Variants in ZNF398 observed in about 807,000 individuals in gnomAD.
ZNF398 encodes zinc finger DNA binding protein ZER6.
Under a neutral mutation model 41.9 loss-of-function variants are expected in ZNF398, and 18 were observed. The ratio of observed to expected loss-of-function variants is 0.43; its 90% CI spans 0.30 to 0.64. The LOEUF (loss-of-function observed/expected upper bound fraction) is 0.64, where lower values mean the gene tolerates loss of function less well. Ranked by LOEUF, ZNF398 falls within the 30% of genes least tolerant of loss-of-function variation. ZNF398 has a pLI of 0.14. For missense variants in ZNF398, 669 were observed against 822.8 expected (o/e 0.81, Z 2.29); for synonymous variants, 260 against 308.8 (o/e 0.84, Z 1.66).
In ZNF398 at chr7:149,154,318, G is replaced by C; in HGVS notation, c.398G>C (p.Gly133Ala). Reference sequence around the variant, plus strand: ...TTCTGGATCCTGCGGCTCCCTCCAGGTATTAAGGGAGATATCCCAAAGGTA... The same window carrying C: ...TTCTGGATCCTGCGGCTCCCTCCAGCTATTAAGGGAGATATCCCAAAGGTA... ...RNFWILRLPP[G>A]IKGDIPKVPV... is the part of the protein sequence containing the mutation. Residue 133 changes from glycine to alanine, a missense_variant, in exon 2 of 6, where the codon GGT (glycine) becomes GCT (alanine). By Grantham distance (60) the Gly-to-Ala change is moderately conservative (BLOSUM62 0). Around this residue, in one of 3 missense-constraint regions of ZNF398, gnomAD observed 169 missense variants for 239.5 expected, o/e 0.71. Transcript: ENST00000475153. 1 of 1,612,936 alleles carries C rather than the reference G, an allele frequency of 6.2e-7. No individual in the cohort carries two copies. The highest frequency in any genetic ancestry group is 8.5e-7 in the Non-Finnish European group (1 of 1,179,474).
At chr7:149,135,658 GAAT>G (rs58818584) in intron 2 of ZNF398, among the ~76,000 whole-genome samples, 80,531 of 150,928 alleles carry the variant, frequency 0.53, 24,882 homozygotes, top group East Asian at 0.9. Flanking sequence ...AAAACTATTA[GAAT>G]AATAATAATA....
intron 1 of ZNF398, 76 bp from the exon 2 acceptor site, chr7:149,153,869 C>A (rs1433901671): frequency 4.0e-6 from 6 of 1,486,800 alleles, no homozygotes; most frequent in Non-Finnish European, 5.5e-6. Flanking sequence ...GTTAAGCAGT[C>A]CTTATCTGAT....
At chr7:149,127,284 A>G (rs1271342712) in intron 1 of ZNF398, among the ~76,000 whole-genome samples, 1 of 111,596 alleles carries the variant, frequency 9.0e-6, no homozygotes, top group Non-Finnish European at 2.0e-5. Context: ...GTAGTTAGAA[A>G]GGATGTCCAT....
intron 2 of ZNF398, among the ~76,000 whole-genome samples, chr7:149,136,901 T>C (rs535633382): frequency 2.2e-4 from 33 of 146,938 alleles, no homozygotes; most frequent in Admixed American, 1.5e-3. Flanking sequence ...AGTTTTGCTC[T>C]TGTGGCCCAG....
At position 149,147,460 on chromosome 7, in the gene ZNF398, CT is replaced by C. The variant is rs947904914; in HGVS notation, c.-282del. 2.0e-5 allele frequency: 5 copies of C among 254,662 alleles called. No homozygotes were observed. Among genetic ancestry groups the C allele is most frequent in the African/African-American group, 1.1e-4 (5 of 43,984 alleles). The allele number at this position is 254,662 out of a possible 1,614,324, so 15.8% of individuals were successfully genotyped here. The stretch of plus-strand genomic sequence containing the variant: ...GCCCGCGCGGTTCCCGGTGCACTCG[CT>C]GCCCACAAAGCGCCAGCTGAGGGGC... On this transcript the variant is annotated 5_prime_UTR_variant, in exon 1 of 6. Transcript: ENST00000475153. This position sits in a 1 kb window ranked among gnomAD's most constrained non-coding sequence, Gnocchi z 5.6.
At position 149,151,723 on chromosome 7, in the gene ZNF398, G is replaced by A. The variant is rs10224184; in HGVS notation, c.25-2222G>A. On this transcript the variant is annotated intron_variant, in intron 1 of 5. Coordinates refer to ENST00000475153, the MANE Select transcript of ZNF398 (RefSeq NM_170686.3). The stretch of plus-strand genomic sequence containing the variant: ...ATTAAGCTATAGAAGACATCCTGAG[G>A]TGGCTGGTTTGCATGCAAGCCTATT... Among the ~76,000 whole-genome samples the A allele has an allele frequency of 9.7e-3, 1,465 of 151,190 alleles. 28 individuals are homozygous for A. The highest frequency in any genetic ancestry group is 0.033 in the African/African-American group (1,373 of 41,284).
At chr7:149,139,582 G>A (rs182701112) in intron 2 of ZNF398, among the ~76,000 whole-genome samples, 7 of 152,058 alleles carry the variant, frequency 4.6e-5, no homozygotes, top group Middle Eastern at 3.4e-3. Context: ...TTAGCTGGGC[G>A]TAGTGGCACA....
chr7:149,155,790 C>T (rs1328787632), intron 2 of ZNF398, among the ~76,000 whole-genome samples: 2 of 143,960 alleles, frequency 1.4e-5, no homozygotes, highest in African/African-American at 5.2e-5. Flanking sequence ...GCAGTGGCGC[C>T]ATCTCGGCTC....
rs970653733 is a variant in ZNF398 at position 149,182,045 on chromosome 7, T to G, written c.*2244T>G. 7 of 152,184 alleles carry G rather than the reference T, an allele frequency of 4.6e-5. No individual in the cohort carries two copies. Among genetic ancestry groups the G allele is most frequent in the Non-Finnish European group, 7.4e-5 (5 of 68,024 alleles). 9.4% of individuals were successfully genotyped at this position (152,184 alleles called of 1,614,324 possible). On this transcript the variant is annotated 3_prime_UTR_variant, in exon 6 of 6. Coordinates refer to ENST00000475153, the MANE Select transcript of ZNF398 (RefSeq NM_170686.3). ...AGGGACTCCTAAAGTAGGTGAGATG[T>G]GGGACTAGGTAACACTTTAAATACT...
Position 149,150,759 on chromosome 7 carries a change from G to A in ZNF398, c.24+2993G>A, listed in dbSNP as rs535356982. On this transcript the variant is annotated intron_variant, in intron 1 of 5. Transcript: ENST00000475153. ...AGAGTCTTGCTCTGTCACCATGCTG[G>A]AGTGCAGTGGCACGATTTCAGCTCA... Among the ~76,000 whole-genome samples, 224 of 152,176 alleles carry A rather than the reference G, an allele frequency of 1.5e-3. 1 individual carries two copies. The highest frequency in any genetic ancestry group is 5.1e-3 in the African/African-American group (212 of 41,530).
intron 2 of ZNF398, among the ~76,000 whole-genome samples, chr7:149,140,087 G>T (rs975267360): frequency 6.6e-6 from 1 of 152,074 alleles, no homozygotes; most frequent in Admixed American, 6.6e-5. Flanking sequence ...CTAGCAGTCA[G>T]TTGAAGTATA....
intron 2 of ZNF398, among the ~76,000 whole-genome samples, chr7:149,139,631 A>G (rs187819111): frequency 7.6e-4 from 115 of 152,022 alleles, no homozygotes; most frequent in African/African-American, 2.5e-3. Flanking sequence ...TGTGGCAGGA[A>G]AATCACTTGA....
rs1795593592 is a variant in ZNF398, at chr7:149,181,657, C to G, written c.*1856C>G. The G allele has an allele frequency of 6.6e-6, 1 of 152,142 alleles. No homozygotes were observed. Among genetic ancestry groups the G allele is most frequent in the Admixed American group, 6.5e-5 (1 of 15,272 alleles). 9.4% of individuals were successfully genotyped at this position (152,142 alleles called of 1,614,324 possible). On this transcript the variant is annotated 3_prime_UTR_variant, in exon 6 of 6. Coordinates refer to ENST00000475153, the MANE Select transcript of ZNF398 (RefSeq NM_170686.3). ...AATCACACTTAGAAAACATCTGCTC[C>G]ATGACATTCACAATACCAGGGACCA...
rs972642624 is a variant in ZNF398 at position 149,180,863 on chromosome 7, C to T, written c.*1062C>T. 2 of 152,206 alleles carry T rather than the reference C, an allele frequency of 1.3e-5. No homozygotes were observed. The highest frequency in any genetic ancestry group is 2.9e-5 in the Non-Finnish European group (2 of 68,032). The allele number at this position is 152,206 out of a possible 1,614,324, so 9.4% of individuals were successfully genotyped here. On this transcript the variant is annotated 3_prime_UTR_variant, in exon 6 of 6. Transcript: ENST00000475153. ...TGATAACAGTGTTATAATGCAGCTT[C>T]CTTGAGCCATCAGAGAGAGTGTATG...
intron 5 of ZNF398, 126 bp from the exon 6 acceptor site, chr7:149,178,522 T>C (rs1247076130): frequency 1.3e-6 from 1 of 749,460 alleles, no homozygotes; most frequent in Non-Finnish European, 2.2e-6. Context: ...TCTCGGTTAT[T>C]ATTGCAGCCT....
intron 2 of ZNF398, among the ~76,000 whole-genome samples, chr7:149,131,698 AAAAC>A (rs946472515): frequency 7.2e-5 from 11 of 152,202 alleles, no homozygotes; most frequent in Non-Finnish European, 7.3e-5. Flanking sequence ...AAAACAAAAC[AAAAC>A]AAACAAACAA....
chr7:149,169,279 T>G (rs1051926184), intron 4 of ZNF398, among the ~76,000 whole-genome samples: 1 of 151,944 alleles, frequency 6.6e-6, no homozygotes, highest in Non-Finnish European at 1.5e-5. Context: ...ACGATGGGGT[T>G]TTGCCATGTT....
At chr7:149,172,963 A>C (rs1474218589) in intron 4 of ZNF398, among the ~76,000 whole-genome samples, 1 of 152,188 alleles carries the variant, frequency 6.6e-6, no homozygotes, top group Admixed American at 6.5e-5. Context: ...TATTGCTAAG[A>C]ATCCTAACAA....
upstream of ZNF398, among the ~76,000 whole-genome samples, chr7:149,146,493 G>A (rs901887074): frequency 6.6e-6 from 1 of 152,156 alleles, no homozygotes; most frequent in Non-Finnish European, 1.5e-5. Context: ...AGGCTGCAGT[G>A]AGCCTTGTTT....
Sources: gnomAD v4.1 joint callset for allele counts (sites outside exome capture counted in the v4.1 genomes callset) on GRCh38, gnomAD v4.1.1 for gene constraint, gnomAD v4.1.1 regional missense constraint, Gnocchi (gnomAD v3.1) non-coding constraint, MANE v1.5 for transcripts, NCBI Gene and HGNC (gene_info 2026-07-23, HGNC 2026-07-21) for gene names.